Variants in AFF2 observed in about 807,000 individuals in gnomAD.
AFF2 encodes the protein AF4/FMR2 family member 2.
In AFF2, 14 loss-of-function variants were observed where a neutral mutation model predicts 76.9. The ratio of observed to expected loss-of-function variants is 0.18; its 90% CI spans 0.12 to 0.28. The LOEUF is 0.28. AFF2 is among the 10% of genes least tolerant of loss of function. The pLI is 1.00. For missense variants in AFF2, 868 were observed against 1,001.1 expected (o/e 0.87, Z 1.79); for synonymous variants, 398 against 366.7 (o/e 1.09, Z -0.98).
intron 3 of AFF2, among the ~76,000 whole-genome samples, chrX:148,728,558 C>T (rs868933621): frequency 2.7e-5 from 3 of 112,433 alleles, no homozygotes; most frequent in Middle Eastern, 4.2e-3. Context: ...AGGACTTTTC[C>T]TGAGTAATAA....
chrX:148,596,338 G>A (rs1442929603), intron 1 of AFF2, among the ~76,000 whole-genome samples: 1 of 111,825 alleles, frequency 8.9e-6, no homozygotes, highest in African/African-American at 3.3e-5. Flanking sequence ...AGGAACAAGA[G>A]CGCCGCCCGC....
At chrX:148,738,969 A>C (rs782682349) in intron 3 of AFF2, among the ~76,000 whole-genome samples, 1 of 111,829 alleles carries the variant, frequency 8.9e-6, no homozygotes, top group South Asian at 3.7e-4. Flanking sequence ...TTATTCCACC[A>C]TGGTCTGAGA....
At chrX:148,907,827 C>T (rs1015676702) in intron 9 of AFF2, among the ~76,000 whole-genome samples, 1 of 110,811 alleles carries the variant, frequency 9.0e-6, no homozygotes, top group Non-Finnish European at 1.9e-5. Flanking sequence ...ATTTATTAGG[C>T]GGGAATTTCC....
rs782643655 is a variant in AFF2, at chrX:148,655,876, A to G, written c.180+3745A>G. 9.0e-5 allele frequency among the ~76,000 whole-genome samples: 10 copies of G among 111,529 alleles called. No homozygotes were observed. In the Admixed American group the frequency reaches 9.5e-4, roughly 11 times the overall value. ...CCACTGGTAGAAACGAGGACATACC[A>G]CAGCTCTTCCCTAAGATAGCAGTGG... On this transcript the variant is annotated intron_variant, in intron 2 of 20. Transcript: ENST00000370460.
chrX:148,868,156 G>A (rs782010017), intron 7 of AFF2, among the ~76,000 whole-genome samples: 4 of 111,428 alleles, frequency 3.6e-5, no homozygotes, highest in African/African-American at 1.3e-4. Flanking sequence ...TTCCTCATCA[G>A]CATTCTCTGA....
At chrX:148,516,412 A>G (rs1015361546) in intron 1 of AFF2, among the ~76,000 whole-genome samples, 2 of 111,704 alleles carry the variant, frequency 1.8e-5, no homozygotes, top group Non-Finnish European at 3.8e-5. Context: ...GAGAACCCCA[A>G]AAGATCAAAA....
At chrX:148,795,834 T>A (rs9698859) in intron 3 of AFF2, among the ~76,000 whole-genome samples, 127 of 5,235 alleles carry the variant, frequency 0.024, 1 homozygote, top group Admixed American at 0.029. Context: ...AAAAAAAAAA[T>A]ATATATATAT....
At chrX:148,681,648 AAGAG>A (rs1252234305) in intron 3 of AFF2, among the ~76,000 whole-genome samples, 4 of 108,281 alleles carry the variant, frequency 3.7e-5, no homozygotes, top group Admixed American at 1.0e-4. Context: ...GAGAAAAAGA[AAGAG>A]AAAGAAAGAA....
At chrX:148,561,737 T>C (rs2053115522) in intron 1 of AFF2, among the ~76,000 whole-genome samples, 1 of 111,638 alleles carries the variant, frequency 9.0e-6, no homozygotes, top group African/African-American at 3.3e-5. Context: ...CTAAATGGTC[T>C]GTGTGGCCAA....
chrX:148,787,669 G>C (rs187584296), intron 3 of AFF2, among the ~76,000 whole-genome samples: 183 of 111,927 alleles, frequency 1.6e-3, no homozygotes, highest in Non-Finnish European at 2.7e-3. Context: ...TCTCAACATT[G>C]CAACAGTGGC....
At chrX:148,537,548 T>A (rs1557236768) in intron 1 of AFF2, among the ~76,000 whole-genome samples, 1 of 109,744 alleles carries the variant, frequency 9.1e-6, no homozygotes, top group African/African-American at 3.3e-5. Flanking sequence ...TTTTTAAGTT[T>A]TTTTTTTTTC....
chrX:148,629,169 T>C (rs2053956776), intron 1 of AFF2, among the ~76,000 whole-genome samples: 1 of 109,905 alleles, frequency 9.1e-6, no homozygotes, highest in Non-Finnish European at 1.9e-5. Context: ...AGGGAGAAGA[T>C]GATAATCTCT....
intron 3 of AFF2, among the ~76,000 whole-genome samples, chrX:148,746,958 C>A (rs1420505888): frequency 1.8e-5 from 2 of 112,270 alleles, no homozygotes; most frequent in Non-Finnish European, 3.8e-5. Context: ...GACATAGTGG[C>A]AGAGAGGTAG....
chrX:148,752,472 T>G (rs1366007349), intron 3 of AFF2, among the ~76,000 whole-genome samples: 5 of 111,790 alleles, frequency 4.5e-5, no homozygotes, highest in Non-Finnish European at 9.4e-5. Flanking sequence ...TAATCCCAAC[T>G]ATGGAGTTTG....
chrX:148,763,364 G>A lies in AFF2; in HGVS notation c.1042-46512G>A, dbSNP rs782299579. Among the ~76,000 whole-genome samples, 6 of 111,584 alleles carry A rather than the reference G, an allele frequency of 5.4e-5. No homozygotes were observed. In the Admixed American group the frequency reaches 5.7e-4, roughly 11 times the overall value. On this transcript the variant is annotated intron_variant, in intron 3 of 20. Transcript: ENST00000370460. ...AACCCTCAGGTTGGCTTTCATCTCTGCATCCTAGAACCAGTATTAGTTTTG... is the reference window on the plus strand; with the variant it reads ...AACCCTCAGGTTGGCTTTCATCTCTACATCCTAGAACCAGTATTAGTTTTG...
chrX:148,714,751 A>T (rs1380787075), intron 3 of AFF2, among the ~76,000 whole-genome samples: 1 of 111,879 alleles, frequency 8.9e-6, no homozygotes, highest in Non-Finnish European at 1.9e-5. Flanking sequence ...CCTCTGTCTC[A>T]TTCACTTCTG....
chrX:148,650,156 A>G (rs1158029523), intron 1 of AFF2, among the ~76,000 whole-genome samples: 1 of 110,671 alleles, frequency 9.0e-6, no homozygotes, highest in African/African-American at 3.3e-5. Context: ...ACACACAGCC[A>G]ATTTATGGTG....
chrX:148,717,057 A>G (rs574802244), intron 3 of AFF2, among the ~76,000 whole-genome samples: 2 of 112,416 alleles, frequency 1.8e-5, no homozygotes, highest in Non-Finnish European at 3.8e-5. Flanking sequence ...TTGCACTTCT[A>G]GGTATACATT....
intron 3 of AFF2, among the ~76,000 whole-genome samples, chrX:148,787,312 C>CTGTGTG (rs370207937): frequency 1.7e-4 from 18 of 108,103 alleles, no homozygotes; most frequent in African/African-American, 4.7e-4. Context: ...AACATTGCGG[C>CTGTGTG]TGTGTGTGTG....
Sources: allele counts gnomAD v4.1 joint callset (sites outside exome capture counted in the v4.1 genomes callset), GRCh38; gene constraint gnomAD v4.1.1; transcripts MANE v1.5; gene names NCBI Gene and HGNC (gene_info 2026-07-23, HGNC 2026-07-21).